ST6GAL1: variants seen among roughly 807,000 people sequenced by gnomAD.
ST6GAL1 encodes beta-galactoside alpha-2,6-sialyltransferase 1.
A neutral mutation model predicts 38.0 loss-of-function variants in ST6GAL1; 20 were observed. That is an observed-to-expected ratio of 0.53 (90% CI 0.37 to 0.77). The LOEUF is 0.77. Ranked by LOEUF, ST6GAL1 falls within the 30% of genes least tolerant of loss-of-function variation. The pLI, the probability that ST6GAL1 is intolerant of heterozygous loss-of-function variation, is 0.00. For missense variants in ST6GAL1, 432 were observed against 496.4 expected (o/e 0.87, Z 1.23); for synonymous variants, 196 against 188.2 (o/e 1.04, Z -0.34).
At chr3:187,033,152 G>A (rs1019848944) in intron 2 of ST6GAL1, among the ~76,000 whole-genome samples, 1 of 152,184 alleles carries the variant, frequency 6.6e-6, no homozygotes, top group Non-Finnish European at 1.5e-5. Flanking sequence ...GGGGGCTCAC[G>A]CCTGTAATCC....
chr3:187,033,290 T>C (rs1485227397), intron 2 of ST6GAL1, among the ~76,000 whole-genome samples: 1 of 152,062 alleles, frequency 6.6e-6, no homozygotes, highest in Non-Finnish European at 1.5e-5. Flanking sequence ...CCGGTGCCTA[T>C]ATTACCCAGC....
At chr3:186,987,069 A>G (rs918208069) in intron 2 of ST6GAL1, among the ~76,000 whole-genome samples, 1 of 152,082 alleles carries the variant, frequency 6.6e-6, no homozygotes, top group Admixed American at 6.6e-5. Context: ...AAACAGAACA[A>G]TCAACTTCTA....
Position 187,047,397 on chromosome 3 carries a change from C to A in ST6GAL1, c.608-3852C>A, listed in dbSNP as rs539806344. ...TTGGTGATAAATTGTGATAAAATTT[C>A]TTTCATAATAATTTCTAGCTATTTA... On this transcript the variant is annotated intron_variant, in intron 4 of 7. Coordinates refer to ENST00000169298, the MANE Select transcript of ST6GAL1 (RefSeq NM_173216.2). 1.4e-3 allele frequency among the ~76,000 whole-genome samples: 210 copies of A among 151,958 alleles called. 1 individual carries two copies. The highest frequency in any genetic ancestry group is 4.9e-3 in the African/African-American group (204 of 41,452).
intron 4 of ST6GAL1, among the ~76,000 whole-genome samples, chr3:187,046,344 G>A (rs558851911): frequency 5.3e-5 from 8 of 152,290 alleles, no homozygotes; most frequent in African/African-American, 1.9e-4. Context: ...TTCCACTTTG[G>A]ATGTTCTGAG....
intron 2 of ST6GAL1, among the ~76,000 whole-genome samples, chr3:187,028,568 A>G (rs186668456): frequency 6.4e-4 from 98 of 152,198 alleles, no homozygotes; most frequent in African/African-American, 2.3e-3. Context: ...CTTTTTCTTT[A>G]TATAACCACA....
intron 2 of ST6GAL1, among the ~76,000 whole-genome samples, chr3:186,969,286 C>T (rs1715260690): frequency 6.6e-6 from 1 of 152,172 alleles, no homozygotes; most frequent in Admixed American, 6.5e-5. Flanking sequence ...CTCCTGACCT[C>T]AAGTGATCTG....
At chr3:187,012,745 T>C (rs1393324264) in intron 2 of ST6GAL1, among the ~76,000 whole-genome samples, 1 of 152,220 alleles carries the variant, frequency 6.6e-6, no homozygotes, top group Admixed American at 6.5e-5. Context: ...GTGATTTCTC[T>C]CTGGGACCAT....
At position 186,985,607 on chromosome 3, in the gene ST6GAL1, T is replaced by TA. The variant is rs34935712; in HGVS notation, c.-183+21699dup. On this transcript the variant is annotated intron_variant, in intron 2 of 7. Coordinates refer to ENST00000169298, the MANE Select transcript of ST6GAL1 (RefSeq NM_173216.2). ...GGCGAAACCCCGTCTCTTCAAAAAG[T>TA]AAAAAAAAAAAAAAAAAATTAGCTG... Among the ~76,000 whole-genome samples the TA allele has an allele frequency of 8.4e-3, 1,034 of 122,740 alleles. 8 individuals are homozygous for TA. Among genetic ancestry groups the TA allele is most frequent in the Admixed American group, 0.014 (171 of 12,592 alleles). 80.5% of individuals were successfully genotyped at this position (122,740 alleles called of 152,430 possible). A position where few individuals can be genotyped will look rare whatever the true frequency, so the allele number is the denominator to read the frequency against.
intron 2 of ST6GAL1, among the ~76,000 whole-genome samples, chr3:187,027,319 C>T (rs1717577376): frequency 6.6e-6 from 1 of 152,184 alleles, no homozygotes; most frequent in Admixed American, 6.5e-5. Context: ...GCACTGTTCT[C>T]AGCGACCTGT....
intron 5 of ST6GAL1, 165 bp from the exon 6 acceptor site, chr3:187,072,684 G>C: frequency 2.8e-6 from 2 of 705,088 alleles, no homozygotes; most frequent in Admixed American, 3.6e-5. Context: ...GTGCAGGCTG[G>C]TATCTTTACC....
At chr3:186,995,091 G>A (rs909749672) in intron 2 of ST6GAL1, among the ~76,000 whole-genome samples, 3 of 152,138 alleles carry the variant, frequency 2.0e-5, no homozygotes, top group African/African-American at 7.2e-5. Flanking sequence ...ATGTGTGTAT[G>A]TGTATATATT....
chr3:186,949,385 G>T (rs956350873), intron 1 of ST6GAL1, among the ~76,000 whole-genome samples: 1 of 152,214 alleles, frequency 6.6e-6, no homozygotes, highest in African/African-American at 2.4e-5. Context: ...GGCTGGCCTT[G>T]GGCCTGAGCT....
At chr3:186,956,360 GTTTGTGTTTGTTTTT>G in intron 1 of ST6GAL1, among the ~76,000 whole-genome samples, 1 of 152,086 alleles carries the variant, frequency 6.6e-6, no homozygotes, top group Non-Finnish European at 1.5e-5. Flanking sequence ...CCTGTAAAAT[GTTTGTGTTTGTTTTT>G]TTTTCTTCCT....
At chr3:187,034,454 A>C (rs1003451083) in intron 2 of ST6GAL1, among the ~76,000 whole-genome samples, 2 of 152,180 alleles carry the variant, frequency 1.3e-5, no homozygotes, top group Non-Finnish European at 2.9e-5. Flanking sequence ...CACAGTAAAA[A>C]AAGAAAACCG....
At chr3:187,058,402 G>C (rs1281320415) in intron 5 of ST6GAL1, among the ~76,000 whole-genome samples, 3 of 152,180 alleles carry the variant, frequency 2.0e-5, no homozygotes, top group African/African-American at 7.2e-5. Context: ...CTGCAGACCA[G>C]AGCTGTTCCT....
chr3:186,968,077 G>A (rs1252159149), intron 2 of ST6GAL1, among the ~76,000 whole-genome samples: 2 of 152,162 alleles, frequency 1.3e-5, no homozygotes, highest in South Asian at 2.1e-4. Context: ...TGCTTAGGCC[G>A]GGGAGTTATG....
intron 2 of ST6GAL1, among the ~76,000 whole-genome samples, chr3:187,032,576 G>A (rs1243751040): frequency 6.6e-6 from 1 of 152,168 alleles, no homozygotes; most frequent in Non-Finnish European, 1.5e-5. Flanking sequence ...AGGTTGACAA[G>A]ATTCCTATTT....
At chr3:186,935,413 G>T (rs999843524) in intron 1 of ST6GAL1, among the ~76,000 whole-genome samples, 2 of 152,042 alleles carry the variant, frequency 1.3e-5, no homozygotes, top group African/African-American at 4.8e-5. Context: ...CTAGGCTACT[G>T]TTGATGGGTA....
intron 2 of ST6GAL1, among the ~76,000 whole-genome samples, chr3:187,022,926 G>T (rs183293978): frequency 9.2e-5 from 14 of 152,232 alleles, no homozygotes; most frequent in Non-Finnish European, 1.9e-4. Flanking sequence ...ATGGCCTTAG[G>T]TATTGTGTAT....
Sources: allele counts gnomAD v4.1 joint callset (sites outside exome capture counted in the v4.1 genomes callset), GRCh38; gene constraint gnomAD v4.1.1; transcripts MANE v1.5; gene names NCBI Gene and HGNC (gene_info 2026-07-23, HGNC 2026-07-21).